The following SPMIP4 variants were observed in gnomAD, a reference collection of about 807,000 sequenced individuals.
SPMIP4 encodes the protein sperm microtubule inner protein 4, also known as sperm-associated microtubule inner protein 4.
chr7:25,136,675 G>A, the SPMIP4 span: 3 of 1,614,118 alleles, frequency 1.9e-6, no homozygotes, highest in Non-Finnish European at 1.7e-6. This position sits in a 1 kb window ranked among gnomAD's most constrained non-coding sequence, Gnocchi z 5.7. Context: ...AGTACAATCT[G>A]GACAGGAACG....
chr7:25,155,145 A>ATG, the SPMIP4 span: 2 of 1,609,928 alleles, frequency 1.2e-6, no homozygotes, highest in Non-Finnish European at 1.7e-6. Flanking sequence ...GCCGCGACAG[A>ATG]TGTGTGTGTG....
At chr7:25,126,805 T>C in the SPMIP4 span, among the ~76,000 whole-genome samples, 2 of 152,236 alleles carry the variant, frequency 1.3e-5, no homozygotes, top group Admixed American at 6.5e-5. Flanking sequence ...TGGTTTCTTA[T>C]TGCTTACGAA....
At chr7:25,180,319 A>T in the SPMIP4 span, 1 of 152,438 alleles carries the variant, frequency 6.6e-6, no homozygotes, top group Non-Finnish European at 1.5e-5. Context: ...GAGTGAACGG[A>T]GTGCGAGGCG....
chr7:25,127,689 G>C, the SPMIP4 span, among the ~76,000 whole-genome samples: 1 of 152,056 alleles, frequency 6.6e-6, no homozygotes, highest in South Asian at 2.1e-4. Context: ...TTGGTCACTT[G>C]TGCCTTCATT....
At chr7:25,166,055 A>C in the SPMIP4 span, among the ~76,000 whole-genome samples, 1 of 152,096 alleles carries the variant, frequency 6.6e-6, no homozygotes, top group Non-Finnish European at 1.5e-5. Flanking sequence ...AGGGGCATCC[A>C]AACCACCAAT....
At chr7:25,162,640 G>T in the SPMIP4 span, among the ~76,000 whole-genome samples, 1 of 152,114 alleles carries the variant, frequency 6.6e-6, no homozygotes, top group Non-Finnish European at 1.5e-5. Flanking sequence ...TAATATAGAT[G>T]GCCGGGAGTG....
chr7:25,161,386 G>T, the SPMIP4 span: 1 of 458,088 alleles, frequency 2.2e-6, no homozygotes, highest in East Asian at 3.7e-5. Context: ...ATATGAAAAG[G>T]TGTCATTTTA....
chr7:25,172,735 A>G, the SPMIP4 span, among the ~76,000 whole-genome samples: 2 of 152,176 alleles, frequency 1.3e-5, no homozygotes, highest in Non-Finnish European at 2.9e-5. The surrounding 1 kb of genome is among the most constrained non-coding windows in gnomAD (Gnocchi z 4.2). Flanking sequence ...GGCATGGAGT[A>G]AAGATCTGAG....
chr7:25,142,753 G>A, the SPMIP4 span: 235 of 1,598,060 alleles, frequency 1.5e-4, no homozygotes, highest in Admixed American at 4.0e-4. Context: ...AGTGTTAGGA[G>A]CGAAGGTTTT....
At chr7:25,154,779 A>G in the SPMIP4 span, among the ~76,000 whole-genome samples, 1 of 152,200 alleles carries the variant, frequency 6.6e-6, no homozygotes, top group Admixed American at 6.5e-5. Flanking sequence ...TGATTGTAAC[A>G]TGAGAGGCTG....
the SPMIP4 span, chr7:25,135,054 G>A: frequency 1.8e-6 from 1 of 568,078 alleles, no homozygotes; most frequent in African/African-American, 2.0e-5. Flanking sequence ...AATACTTAAA[G>A]AAATTCCTCT....
chr7:25,151,946 C>T, the SPMIP4 span, among the ~76,000 whole-genome samples: 1 of 152,166 alleles, frequency 6.6e-6, no homozygotes, highest in Non-Finnish European at 1.5e-5. Context: ...TCCTGAGTAG[C>T]TGGGACTACA....
the SPMIP4 span, among the ~76,000 whole-genome samples, chr7:25,171,664 A>G: frequency 6.6e-6 from 1 of 152,256 alleles, no homozygotes; most frequent in Non-Finnish European, 1.5e-5. Context: ...ATAGGAACCC[A>G]GTGAAGTAAG....
chr7:25,161,274 A>G, the SPMIP4 span: 3 of 1,405,986 alleles, frequency 2.1e-6, no homozygotes, highest in East Asian at 2.4e-5. Flanking sequence ...AAAAGAAAGA[A>G]AAGATTAAAT....
the SPMIP4 span, among the ~76,000 whole-genome samples, chr7:25,147,168 T>A: frequency 6.6e-6 from 1 of 152,208 alleles, no homozygotes; most frequent in East Asian, 1.9e-4. Context: ...GTGGCGCACA[T>A]CTGTGGGCTT....
chr7:25,168,554 C>A, the SPMIP4 span: 1 of 1,077,580 alleles, frequency 9.3e-7, no homozygotes, highest in Non-Finnish European at 1.3e-6. Flanking sequence ...CCTACCACTT[C>A]ATAAGTATTT....
chr7:25,127,108 G>C, the SPMIP4 span, among the ~76,000 whole-genome samples: 1 of 152,066 alleles, frequency 6.6e-6, no homozygotes, highest in Non-Finnish European at 1.5e-5. Context: ...TTGCTTTTAG[G>C]ATTCTTTCTT....
the SPMIP4 span, among the ~76,000 whole-genome samples, chr7:25,163,301 G>T: frequency 3.6e-3 from 554 of 151,936 alleles, 2 homozygotes; most frequent in Non-Finnish European, 5.7e-3. The surrounding 1 kb of genome is among the most constrained non-coding windows in gnomAD (Gnocchi z 4.4). Flanking sequence ...GGCAATTTTG[G>T]TTTTTTTTCT....
At chr7:25,128,786 C>T in the SPMIP4 span, among the ~76,000 whole-genome samples, 1 of 152,202 alleles carries the variant, frequency 6.6e-6, no homozygotes, top group Non-Finnish European at 1.5e-5. This position sits in a 1 kb window ranked among gnomAD's most constrained non-coding sequence, Gnocchi z 4.5. Context: ...GAAGCCACCA[C>T]ACCTGAAGCC....
Sources: allele counts gnomAD v4.1 joint callset (sites outside exome capture counted in the v4.1 genomes callset), GRCh38; gene constraint gnomAD v4.1.1; non-coding constraint Gnocchi (gnomAD v3.1); transcripts MANE v1.5; gene names NCBI Gene and HGNC (gene_info 2026-07-23, HGNC 2026-07-21).